Variants in STXBP5L observed in about 807,000 individuals in gnomAD.
The protein encoded by STXBP5L is syntaxin binding protein 5L.
STXBP5L carries 65 observed loss-of-function variants against 144.5 expected under a neutral mutation model. The ratio of observed to expected loss-of-function variants is 0.45; its 90% CI spans 0.37 to 0.55. The LOEUF (loss-of-function observed/expected upper bound fraction) is 0.55, where lower values mean the gene tolerates loss of function less well. Among genes scored for constraint, STXBP5L ranks in the 20% least tolerant of loss-of-function variants. The pLI, the probability that STXBP5L is intolerant of heterozygous loss-of-function variation, is 0.00. For missense variants in STXBP5L, 1,298 were observed against 1,405.5 expected, an observed-to-expected ratio of 0.92 and a Z score of 1.22; for synonymous variants, 505 against 469.6, an observed-to-expected ratio of 1.08 and a Z score of -0.97.
intron 2 of STXBP5L, among the ~76,000 whole-genome samples, chr3:120,916,759 A>G (rs1709122181): frequency 2.6e-5 from 4 of 152,196 alleles, no homozygotes; most frequent in Non-Finnish European, 4.4e-5. Flanking sequence ...ATTGGAATTG[A>G]GAGAAAATTG....
chr3:120,938,702 T>C (rs1363774006), intron 2 of STXBP5L, among the ~76,000 whole-genome samples: 4 of 152,184 alleles, frequency 2.6e-5, no homozygotes, highest in African/African-American at 7.2e-5. Flanking sequence ...AAATGCTATA[T>C]AGCTCTCATT....
intron 3 of STXBP5L, among the ~76,000 whole-genome samples, chr3:120,971,236 G>C (rs7624337): frequency 0.099 from 15,115 of 152,058 alleles, 1,186 homozygotes; most frequent in Admixed American, 0.2. Context: ...ATTTATTTAA[G>C]AAAATTTTTT....
chr3:121,062,775 T>C (rs2041347506), intron 5 of STXBP5L, among the ~76,000 whole-genome samples: 1 of 152,210 alleles, frequency 6.6e-6, no homozygotes, highest in African/African-American at 2.4e-5. Flanking sequence ...TTCTTGACAT[T>C]CTTTCTTCCG....
chr3:120,956,425 G>GTA (rs1938044667), intron 3 of STXBP5L, among the ~76,000 whole-genome samples: 1 of 151,768 alleles, frequency 6.6e-6, no homozygotes, highest in South Asian at 2.1e-4. Flanking sequence ...AAAGCATACA[G>GTA]TATTCTTCTT....
chr3:121,206,527 C>T (rs187651443), intron 10 of STXBP5L, among the ~76,000 whole-genome samples: 13 of 152,042 alleles, frequency 8.6e-5, no homozygotes, highest in East Asian at 5.8e-4. Flanking sequence ...TAGCTATATC[C>T]GGCTGGGTGC....
intron 15 of STXBP5L, among the ~76,000 whole-genome samples, chr3:121,253,353 T>C (rs75405916): frequency 0.019 from 2,924 of 152,026 alleles, 88 homozygotes; most frequent in African/African-American, 0.066. Context: ...TCTTTATCTC[T>C]TCCTTCCATA....
At chr3:121,232,484 C>T (rs1440948753) in intron 11 of STXBP5L, among the ~76,000 whole-genome samples, 1 of 152,160 alleles carries the variant, frequency 6.6e-6, no homozygotes, top group African/African-American at 2.4e-5. Context: ...CAAAAGTCAG[C>T]AGGGCCATGC....
At chr3:121,004,946 G>T (rs1379611253) in intron 3 of STXBP5L, among the ~76,000 whole-genome samples, 3 of 152,070 alleles carry the variant, frequency 2.0e-5, no homozygotes, top group Admixed American at 6.6e-5. Context: ...TCCTGTATTC[G>T]GTTTGCCAGT....
intron 2 of STXBP5L, among the ~76,000 whole-genome samples, chr3:120,940,971 T>C (rs1710540330): frequency 6.6e-6 from 1 of 151,688 alleles, no homozygotes; most frequent in African/African-American, 2.4e-5. Flanking sequence ...AGTTTAGAGA[T>C]GGTAAATGAA....
At chr3:121,151,833 T>C (rs2045943963) in intron 7 of STXBP5L, among the ~76,000 whole-genome samples, 1 of 93,582 alleles carries the variant, frequency 1.1e-5, no homozygotes, top group South Asian at 2.7e-4. Flanking sequence ...TCAGTATGGC[T>C]AGCATTGTTT....
chr3:121,037,783 G>A (rs1330929208), intron 3 of STXBP5L, among the ~76,000 whole-genome samples: 1 of 151,770 alleles, frequency 6.6e-6, no homozygotes, highest in African/African-American at 2.4e-5. Context: ...ATAAGTAATG[G>A]TATCTTGACC....
rs141722868 is a variant in STXBP5L at position 121,287,104 on chromosome 3, G to A, written c.2110+7148G>A. 1.4e-3 allele frequency among the ~76,000 whole-genome samples: 219 copies of A among 152,336 alleles called. 1 individual carries two copies. The highest frequency in any genetic ancestry group is 5.1e-3 in the African/African-American group (211 of 41,570). ...TCCAGGAACAGGTAAAGAGCCATCT[G>A]AAAGGATTAAAGGAAACAGTGCCCA... On this transcript the variant is annotated intron_variant, in intron 19 of 26. Coordinates refer to ENST00000471454, the MANE Select transcript of STXBP5L (RefSeq NM_001308330.2).
intron 9 of STXBP5L, among the ~76,000 whole-genome samples, chr3:121,161,240 C>CT (rs202218213): frequency 0.21 from 29,446 of 138,832 alleles, 3,131 homozygotes; most frequent in Admixed American, 0.31. Context: ...TTTGCTTTTG[C>CT]TTTTTTTTTT....
At chr3:121,280,428 G>A (rs2051019718) in intron 19 of STXBP5L, among the ~76,000 whole-genome samples, 2 of 151,874 alleles carry the variant, frequency 1.3e-5, no homozygotes, top group African/African-American at 4.8e-5. Context: ...CTTGTTGGAT[G>A]ATGACCTTCC....
intron 16 of STXBP5L, among the ~76,000 whole-genome samples, chr3:121,256,789 CT>C (rs2050220210): frequency 6.6e-6 from 1 of 151,490 alleles, no homozygotes; most frequent in Non-Finnish European, 1.5e-5. Flanking sequence ...CCATAATCAA[CT>C]TCTCCTTTTA....
At chr3:121,089,440 C>T (rs2042668240) in intron 5 of STXBP5L, among the ~76,000 whole-genome samples, 1 of 151,642 alleles carries the variant, frequency 6.6e-6, no homozygotes, top group Non-Finnish European at 1.5e-5. Context: ...TCCTCCTGGT[C>T]TCTGTGGTTT....
At chr3:121,082,458 T>C (rs1324480186) in intron 5 of STXBP5L, among the ~76,000 whole-genome samples, 2 of 152,236 alleles carry the variant, frequency 1.3e-5, no homozygotes, top group African/African-American at 2.4e-5. Flanking sequence ...GCAACTTTGC[T>C]GAACTCACTA....
At chr3:121,182,190 A>G (rs559239879) in intron 9 of STXBP5L, among the ~76,000 whole-genome samples, 2 of 152,326 alleles carry the variant, frequency 1.3e-5, no homozygotes, top group Non-Finnish European at 2.9e-5. Flanking sequence ...ACATATTTAC[A>G]GAACATTCAA....
intron 2 of STXBP5L, among the ~76,000 whole-genome samples, chr3:120,937,061 C>G (rs1417068673): frequency 6.6e-6 from 1 of 152,058 alleles, no homozygotes; most frequent in East Asian, 1.9e-4. Context: ...TATTTCTTCT[C>G]TCTTCCCCTA....
Sources: gnomAD v4.1 joint callset for allele counts (sites outside exome capture counted in the v4.1 genomes callset) on GRCh38, gnomAD v4.1.1 for gene constraint, MANE v1.5 for transcripts, NCBI Gene and HGNC (gene_info 2026-07-23, HGNC 2026-07-21) for gene names.